The following FOXP2 variants were observed in gnomAD, a reference collection of about 807,000 sequenced individuals.
FOXP2 encodes forkhead box protein P2.
Under a neutral mutation model 115.8 loss-of-function variants are expected in FOXP2, and 12 were observed. The observed-to-expected ratio is 0.10, with a 90% CI of 0.07 to 0.17. The LOEUF (loss-of-function observed/expected upper bound fraction) is 0.17. Among genes scored for constraint, FOXP2 ranks in the 10% least tolerant of loss-of-function variants. The pLI is 1.00. For missense variants in FOXP2, 629 were observed against 843.5 expected (o/e 0.75, Z 3.15); for synonymous variants, 328 against 297.7 (o/e 1.10, Z -1.05).
rs1303649992 is a variant in FOXP2, at chr7:114,692,088, G to C, written c.*2162G>C. 2 of 453,970 alleles carry C rather than the reference G, an allele frequency of 4.4e-6. No homozygotes were observed. Among genetic ancestry groups the C allele is most frequent in the Non-Finnish European group, 8.8e-6 (2 of 226,712 alleles). 28.1% of individuals were successfully genotyped at this position (453,970 alleles called of 1,614,324 possible). On this transcript the variant is annotated 3_prime_UTR_variant, in exon 17 of 17. Transcript: ENST00000350908. ...GTTTACAATATGGTATTAAAAGAAA[G>C]ATGGGTATGGTGAAAGATGGTTTTC...
At chr7:114,423,665 A>T (rs777609569) in intron 1 of FOXP2, among the ~76,000 whole-genome samples, 6 of 151,684 alleles carry the variant, frequency 4.0e-5, no homozygotes, top group African/African-American at 7.2e-5. Context: ...TCATAAGCAC[A>T]TCCACTCTGA....
chr7:114,266,597 T>C (rs2129172127), intron 1 of FOXP2, among the ~76,000 whole-genome samples: 1 of 152,240 alleles, frequency 6.6e-6, no homozygotes, highest in East Asian at 1.9e-4. Context: ...AGCATCGGGA[T>C]ATGAGGAATC....
chr7:114,283,501 T>C (rs1413434421), intron 1 of FOXP2, among the ~76,000 whole-genome samples: 1 of 152,184 alleles, frequency 6.6e-6, no homozygotes. Context: ...CCTTTTCATT[T>C]AGAAAACAAT....
At chr7:114,376,829 A>C (rs1792149813) in intron 2 of FOXP2, among the ~76,000 whole-genome samples, 1 of 152,238 alleles carries the variant, frequency 6.6e-6, no homozygotes, top group Non-Finnish European at 1.5e-5. Context: ...TGACTGAATC[A>C]TAGAAGCTGG....
At chr7:114,159,603 C>T (rs1201347415), upstream of FOXP2, among the ~76,000 whole-genome samples, 1 of 151,982 alleles carries the variant, frequency 6.6e-6, no homozygotes, top group African/African-American at 2.4e-5. Context: ...CAAACTGGGA[C>T]ACTTCTGAGA....
chr7:114,642,441 A>T lies in FOXP2; in HGVS notation c.807A>T (p.Leu269Phe), dbSNP rs1276375707. 6.2e-7 allele frequency: 1 copy of T among 1,613,790 alleles called. No homozygotes were observed. The highest frequency in any genetic ancestry group is 8.5e-7 in the Non-Finnish European group (1 of 1,179,874). Residue 269 changes from leucine to phenylalanine, a missense_variant, in exon 7 of 17, where the codon TTA (leucine) becomes TTT (phenylalanine). Physicochemically the swap from Leu to Phe is conservative, Grantham distance 22. Coordinates refer to ENST00000350908, the MANE Select transcript of FOXP2 (RefSeq NM_014491.4). The part of the protein sequence containing the change: ...AGLSPAEIQQ[L>F]WKEVTGVHSM... ...TAAGTCCTGCTGAGATTCAGCAGTT[A>T]TGGAAAGAAGTGACTGGAGTTCACA...
At chr7:114,163,047 C>T (rs1006063543) in exon 1 of FOXP2, 1 of 152,128 alleles carries the variant, frequency 6.6e-6, no homozygotes, top group African/African-American at 2.4e-5. Flanking sequence ...GAATAAGATT[C>T]CTCAATCCTG....
chr7:114,112,227 C>A (rs888576904), intron 1 of FOXP2, among the ~76,000 whole-genome samples: 3 of 152,046 alleles, frequency 2.0e-5, no homozygotes, highest in African/African-American at 7.2e-5. Flanking sequence ...ATATCAGGCA[C>A]TGAAACAGAG....
chr7:114,349,671 C>CTA (rs1562881875), intron 2 of FOXP2, among the ~76,000 whole-genome samples: 1 of 149,552 alleles, frequency 6.7e-6, no homozygotes, highest in Non-Finnish European at 1.5e-5. Flanking sequence ...GTGTGTGTGT[C>CTA]TGTGTGTGTG....
At chr7:114,424,409 C>CATAT (rs1440272901) in intron 1 of FOXP2, among the ~76,000 whole-genome samples, 3 of 151,428 alleles carry the variant, frequency 2.0e-5, no homozygotes, top group Non-Finnish European at 4.4e-5. Context: ...AAAACATACA[C>CATAT]ATATATACAC....
chr7:114,519,678 A>G (rs1309544593), intron 2 of FOXP2, among the ~76,000 whole-genome samples: 1 of 152,156 alleles, frequency 6.6e-6, no homozygotes, highest in Non-Finnish European at 1.5e-5. Context: ...TGCAGTTCTT[A>G]AATAGGTCAT....
chr7:114,147,792 G>A (rs185706060), intron 1 of FOXP2, among the ~76,000 whole-genome samples: 2 of 152,228 alleles, frequency 1.3e-5, no homozygotes, highest in Non-Finnish European at 2.9e-5. Flanking sequence ...GAGTAAATAA[G>A]TCAATGGGAA....
At chr7:114,213,700 G>T (rs1038491579) in intron 1 of FOXP2, among the ~76,000 whole-genome samples, 1 of 152,066 alleles carries the variant, frequency 6.6e-6, no homozygotes, top group African/African-American at 2.4e-5. Flanking sequence ...AGTTACCTAA[G>T]CCATTTTATT....
At chr7:114,571,822 T>G (rs1801318582) in intron 3 of FOXP2, among the ~76,000 whole-genome samples, 1 of 151,830 alleles carries the variant, frequency 6.6e-6, no homozygotes, top group Non-Finnish European at 1.5e-5. Flanking sequence ...TTATGGATTT[T>G]GGTATCTATG....
intron 1 of FOXP2, among the ~76,000 whole-genome samples, chr7:114,163,819 C>T (rs1367900688): frequency 1.3e-5 from 2 of 152,116 alleles, no homozygotes; most frequent in Non-Finnish European, 1.5e-5. Flanking sequence ...GGGCATCATC[C>T]TTATGATAAT....
In FOXP2 at chr7:114,415,020, G is replaced by A. The variant is rs1057178172; in HGVS notation, c.-351G>A. On this transcript the variant is annotated 5_prime_UTR_variant, in exon 1 of 17. Transcript: ENST00000350908. Reference sequence around the variant, plus strand: ...GTCTTGAACCTTTGTCACCCCTCACGTTGCACACCAAAGACATACCCTAGT... The same window carrying A: ...GTCTTGAACCTTTGTCACCCCTCACATTGCACACCAAAGACATACCCTAGT... 2.2e-6 allele frequency: 1 copy of A among 451,126 alleles called. No homozygotes were observed. The allele number at this position is 451,126 out of a possible 1,614,324, so 27.9% of individuals were successfully genotyped here. A position where few individuals can be genotyped will look rare whatever the true frequency, so the allele number is the denominator to read the frequency against.
intron 7 of FOXP2, among the ~76,000 whole-genome samples, chr7:114,644,074 A>G (rs1805734479): frequency 6.6e-6 from 1 of 152,176 alleles, no homozygotes; most frequent in African/African-American, 2.4e-5. Context: ...AATTGAGATT[A>G]ATTTGATGAT....
At chr7:114,381,142 T>C (rs1323456596) in intron 2 of FOXP2, among the ~76,000 whole-genome samples, 2 of 152,226 alleles carry the variant, frequency 1.3e-5, no homozygotes, top group Non-Finnish European at 2.9e-5. Context: ...CAGAAACCTG[T>C]TATGCCAAGG....
At chr7:114,677,761 T>C (rs888601685) in intron 16 of FOXP2, among the ~76,000 whole-genome samples, 1 of 152,230 alleles carries the variant, frequency 6.6e-6, no homozygotes, top group African/African-American at 2.4e-5. Flanking sequence ...ATACCATTAA[T>C]GAGGGTGCCT....
Sources: gnomAD v4.1 joint callset for allele counts (sites outside exome capture counted in the v4.1 genomes callset) on GRCh38, gnomAD v4.1.1 for gene constraint, MANE v1.5 for transcripts, NCBI Gene and HGNC (gene_info 2026-07-23, HGNC 2026-07-21) for gene names.